LYZ: variants seen among roughly 807,000 people sequenced by gnomAD.
The protein encoded by LYZ is lysozyme.
A neutral mutation model predicts 15.8 loss-of-function variants in LYZ; 18 were observed. The ratio of observed to expected loss-of-function variants is 1.14; its 90% CI spans 0.79 to 1.69. The LOEUF (loss-of-function observed/expected upper bound fraction) is 1.69. Ranked by LOEUF, LYZ falls within the 40% of genes most tolerant of loss-of-function variation. The pLI is 0.00. For missense variants in LYZ, 139 were observed against 182.8 expected (o/e 0.76, Z 1.38); for synonymous variants, 60 against 61.7 (o/e 0.97, Z 0.13).
chr12:69,353,192 T>C lies in LYZ; in HGVS notation c.420T>C (p.Arg140=). The part of the protein sequence containing the change: ...WRNRCQNRDV[R]QYVQGCGV ...ATCGTTGTCAAAACAGAGATGTCCGTCAGTATGTTCAAGGTTGTGGAGTGT... is the reference window on the plus strand; with the variant it reads ...ATCGTTGTCAAAACAGAGATGTCCGCCAGTATGTTCAAGGTTGTGGAGTGT... Residue 140 remains arginine (R), a synonymous_variant, in exon 4 of 4, where the codon CGT becomes CGC. Coordinates refer to ENST00000261267, the MANE Select transcript of LYZ (RefSeq NM_000239.3). 6.2e-7 allele frequency: 1 copy of C among 1,614,122 alleles called. No homozygotes were observed. Among genetic ancestry groups the C allele is most frequent in the Non-Finnish European group, 8.5e-7 (1 of 1,179,952 alleles).
Position 69,351,896 on chromosome 12 carries a change from T to C in LYZ, c.302-324T>C, listed in dbSNP as rs116286017. Among the ~76,000 whole-genome samples, 249 of 152,332 alleles carry C rather than the reference T, an allele frequency of 1.6e-3. 3 individuals are homozygous for C. The highest frequency in any genetic ancestry group is 5.9e-3 in the African/African-American group (244 of 41,562). On this transcript the variant is annotated intron_variant, in intron 2 of 3. Transcript: ENST00000261267. ...TCTTTGGGTGCATTTCTTATTTCTT[T>C]TGGATAAATTTTCAATAATAGAACT...
At chr12:69,350,450 T>A in intron 2 of LYZ, 178 bp downstream of exon 2, 1 of 640,600 alleles carries the variant, frequency 1.6e-6, no homozygotes, top group Non-Finnish European at 2.7e-6. Context: ...AGTGGTATCA[T>A]AAAAGGTTGA....
Position 69,353,388 on chromosome 12 carries a change from G to A in LYZ, c.*169G>A, listed in dbSNP as rs568058282. The A allele has an allele frequency of 1.4e-3, 985 of 685,030 alleles. 3 individuals carry two copies. The highest frequency in any genetic ancestry group is 8.5e-3 in the Middle Eastern group (28 of 3,298). The allele number at this position is 685,030 out of a possible 1,614,324, so 42.4% of individuals were successfully genotyped here. A position where few individuals can be genotyped will look rare whatever the true frequency, so the allele number is the denominator to read the frequency against. On this transcript the variant is annotated 3_prime_UTR_variant, in exon 4 of 4. Transcript: ENST00000261267. ...AAGAGATATAATGTTCACTAATGTG[G>A]TTATTTTACATTAAGCCTACAACAT...
chr12:69,353,007 T>C (rs1397313418), intron 3 of LYZ, 146 bp from the exon 4 acceptor site: 1 of 700,888 alleles, frequency 1.4e-6, no homozygotes, highest in Non-Finnish European at 2.6e-6. Flanking sequence ...TATACATATC[T>C]TCATTTAATA....
chr12:69,348,509 G>C lies in LYZ; in HGVS notation c.101G>C (p.Gly34Ala). ...TTGGCCAGAACTCTGAAAAGATTGG[G>C]AATGGATGGCTACAGGGGAATCAGC... Reference protein sequence around the residue: ...CELARTLKRLGMDGYRGISLA... With the variant: ...CELARTLKRLAMDGYRGISLA... The change falls in exon 1 of 4, where the codon GGA becomes GCA. Residue 34 changes from glycine to alanine, a missense_variant. Physicochemically the swap from Gly to Ala is moderately conservative, Grantham distance 60. Coordinates refer to ENST00000261267, the MANE Select transcript of LYZ (RefSeq NM_000239.3). 1 of 1,614,204 alleles carries C rather than the reference G, an allele frequency of 6.2e-7. No individual in the cohort carries two copies. Among genetic ancestry groups the C allele is most frequent in the Non-Finnish European group, 8.5e-7 (1 of 1,180,032 alleles).
intron 2 of LYZ, among the ~76,000 whole-genome samples, chr12:69,351,935 T>C (rs981270559): frequency 1.3e-5 from 2 of 152,208 alleles, no homozygotes; most frequent in Non-Finnish European, 2.9e-5. Flanking sequence ...GAGTAAAATA[T>C]CACTAGGTGT....
At chr12:69,350,010 A>G in intron 1 of LYZ, 98 bp from the exon 2 acceptor site, 1 of 979,476 alleles carries the variant, frequency 1.0e-6, no homozygotes, top group Admixed American at 1.8e-5. Context: ...CTTATAAAAC[A>G]AATCAGTAAA....
chr12:69,350,155 A>C lies in LYZ; in HGVS notation c.184A>C (p.Asn62His). 1.2e-6 allele frequency: 2 copies of C among 1,614,150 alleles called. No homozygotes were observed. Among genetic ancestry groups the C allele is most frequent in the South Asian group, 1.1e-5 (1 of 91,084 alleles). ...GAGTGGTTACAACACACGAGCTACA[A>C]ACTACAATGCTGGAGACAGAAGCAC... ...WESGYNTRAT[N>H]YNAGDRSTDY... is the part of the protein sequence containing the mutation. The change falls in exon 2 of 4, where the codon AAC becomes CAC. Residue 62 changes from asparagine (N) to histidine (H), a missense_variant. Asn to His is a moderately conservative substitution (Grantham distance 68, BLOSUM62 1). Coordinates refer to ENST00000261267, the MANE Select transcript of LYZ (RefSeq NM_000239.3).
rs60163961 is a variant in LYZ, at chr12:69,350,737, C to CTTTTTTT, written c.301+491_301+497dup. On this transcript the variant is annotated intron_variant, in intron 2 of 3. Transcript: ENST00000261267. ...TTTGCCATAGTTGCTTCTTCTATGC[C>CTTTTTTT]TTTTTTTTTTTTTTTTTTTTTTTTT... 1.2e-3 allele frequency among the ~76,000 whole-genome samples: 32 copies of CTTTTTTT among 26,006 alleles called. 1 individual carries two copies. Among genetic ancestry groups the CTTTTTTT allele is most frequent in the African/African-American group, 2.7e-3 (27 of 9,884 alleles). 17.1% of individuals were successfully genotyped at this position (26,006 alleles called of 152,430 possible).
chr12:69,353,103 A>G, intron 3 of LYZ, 50 bp from the exon 4 acceptor site: 1 of 1,281,804 alleles, frequency 7.8e-7, no homozygotes, highest in Non-Finnish European at 1.1e-6. Context: ...TGTATATTAC[A>G]ATGAAGATAT....
intron 3 of LYZ, among the ~76,000 whole-genome samples, 180 bp downstream of exon 3, chr12:69,352,478 T>A (rs911121441): frequency 6.6e-6 from 1 of 152,256 alleles, no homozygotes; most frequent in Non-Finnish European, 1.5e-5. Flanking sequence ...TGATCCAGAA[T>A]CTTACTCTTT....
rs1387321088 is a variant in LYZ, at chr12:69,354,138, G to T, written c.*919G>T. 1 of 152,162 alleles carries T rather than the reference G, an allele frequency of 6.6e-6. No individual in the cohort carries two copies. The highest frequency in any genetic ancestry group is 1.5e-5 in the Non-Finnish European group (1 of 68,040). The allele number at this position is 152,162 out of a possible 1,614,324, so 9.4% of individuals were successfully genotyped here. ...TTATGATTAAATCTGAGGCAGATGA[G>T]CTTACAAGTATTGAAATAATTACTA... On this transcript the variant is annotated 3_prime_UTR_variant, in exon 4 of 4. Transcript: ENST00000261267.
intron 2 of LYZ, 79 bp downstream of exon 2, chr12:69,350,351 G>A: frequency 7.0e-7 from 1 of 1,431,926 alleles, no homozygotes; most frequent in Non-Finnish European, 9.8e-7. Context: ...AGCCTTGAAA[G>A]GTTCATGAGG....
At position 69,350,081 on chromosome 12, in the gene LYZ, TTATTACTAAAAA is replaced by T; in HGVS notation, c.137-24_137-13del. On this transcript the variant is annotated splice_polypyrimidine_tract_variant and intron_variant, in intron 1 of 3. Transcript: ENST00000261267. ...AGTATAAGTCACTTAGTGTTGCTGTTTATTACTAAAAATAAGTTCTTTTCAGGGATGTGTTTG... is the reference window on the plus strand; with the variant it reads ...AGTATAAGTCACTTAGTGTTGCTGTTTAAGTTCTTTTCAGGGATGTGTTTG... 1 of 1,610,268 alleles carries T rather than the reference TTATTACTAAAAA, an allele frequency of 6.2e-7. No homozygotes were observed. The highest frequency in any genetic ancestry group is 8.5e-7 in the Non-Finnish European group (1 of 1,176,566).
intron 2 of LYZ, among the ~76,000 whole-genome samples, chr12:69,351,158 C>T (rs1260574212): frequency 1.3e-5 from 2 of 152,016 alleles, no homozygotes; most frequent in East Asian, 3.9e-4. Context: ...AATACAGTTC[C>T]TGTAGAATTA....
chr12:69,353,886 T>C lies in LYZ; in HGVS notation c.*667T>C, dbSNP rs1874906090. On this transcript the variant is annotated 3_prime_UTR_variant, in exon 4 of 4. Coordinates refer to ENST00000261267, the MANE Select transcript of LYZ (RefSeq NM_000239.3). Reference sequence around the variant, plus strand: ...AAATATAAGAAAAGGTTATCTTAAATAGATCTTAGGCAAAATACCAGCTGA... The same window carrying C: ...AAATATAAGAAAAGGTTATCTTAAACAGATCTTAGGCAAAATACCAGCTGA... 6.6e-6 allele frequency: 1 copy of C among 152,522 alleles called. No individual in the cohort carries two copies. The highest frequency in any genetic ancestry group is 6.5e-5 in the Admixed American group (1 of 15,320). The allele number at this position is 152,522 out of a possible 1,614,324, so 9.4% of individuals were successfully genotyped here. A position where few individuals can be genotyped will look rare whatever the true frequency, so the allele number is the denominator to read the frequency against.
chr12:69,353,152 G>A lies in LYZ; in HGVS notation c.381-1G>A. On this transcript the variant is annotated splice_acceptor_variant, in intron 3 of 3. Transcript: ENST00000261267. LOFTEE classifies it high-confidence loss of function. Reference sequence around the variant, plus strand: ...ACCATTTGCTTCATCTTTTTCTACAGGGTGGCATGGAGAAATCGTTGTCAA... The same window carrying A: ...ACCATTTGCTTCATCTTTTTCTACAAGGTGGCATGGAGAAATCGTTGTCAA... The A allele has an allele frequency of 6.2e-7, 1 of 1,611,740 alleles. No individual in the cohort carries two copies. The highest frequency in any genetic ancestry group is 8.5e-7 in the Non-Finnish European group (1 of 1,177,826).
In LYZ at chr12:69,353,367, G is replaced by A; in HGVS notation, c.*148G>A. ...GCAAAATATGGCCTTTCTTCTAAGA[G>A]ATATAATGTTCACTAATGTGGTTAT... On this transcript the variant is annotated 3_prime_UTR_variant, in exon 4 of 4. Coordinates refer to ENST00000261267, the MANE Select transcript of LYZ (RefSeq NM_000239.3). 2.7e-6 allele frequency: 2 copies of A among 728,394 alleles called. No homozygotes were observed. Among genetic ancestry groups the A allele is most frequent in the Non-Finnish European group, 5.0e-6 (2 of 399,256 alleles). The allele number at this position is 728,394 out of a possible 1,614,324, so 45.1% of individuals were successfully genotyped here.
At chr12:69,349,880 T>C (rs1874802509) in intron 1 of LYZ, among the ~76,000 whole-genome samples, 2 of 152,192 alleles carry the variant, frequency 1.3e-5, no homozygotes, top group African/African-American at 4.8e-5. Context: ...TTTAATATTT[T>C]AAAAGTATGT....
Sources: gnomAD v4.1 joint callset for allele counts (sites outside exome capture counted in the v4.1 genomes callset) on GRCh38, gnomAD v4.1.1 for gene constraint, MANE v1.5 for transcripts, NCBI Gene and HGNC (gene_info 2026-07-23, HGNC 2026-07-21) for gene names.